The following FARS2 variants were observed in gnomAD, a reference collection of about 807,000 sequenced individuals.
FARS2 encodes phenylalanyl-tRNA synthetase 2, mitochondrial, also known as phenylalanine--tRNA ligase, mitochondrial.
FARS2 carries 40 observed loss-of-function variants against 46.4 expected under a neutral mutation model. The ratio of observed to expected loss-of-function variants is 0.86; its 90% confidence interval spans 0.67 to 1.12. The LOEUF (loss-of-function observed/expected upper bound fraction) is 1.12, where lower values mean the gene tolerates loss of function less well. FARS2 is among the 50% of genes most tolerant of loss of function. The probability of loss-of-function intolerance (pLI) is 0.00; values close to 1 mark genes in which losing one functional copy is unlikely to be tolerated. For synonymous variants in FARS2, 234 were observed against 214.9 expected, an observed-to-expected ratio of 1.09 and a Z score of -0.78; for missense variants, 513 against 567.9, an observed-to-expected ratio of 0.90 and a Z score of 0.98.
chr6:5,502,272 G>T (rs1767848975), intron 4 of FARS2, among the ~76,000 whole-genome samples: 1 of 152,220 alleles, frequency 6.6e-6, no homozygotes, highest in Admixed American at 6.5e-5. Flanking sequence ...GTTGGAGAGA[G>T]GCTTAGCCAT....
intron 4 of FARS2, among the ~76,000 whole-genome samples, chr6:5,468,549 A>G (rs1288416877): frequency 6.6e-6 from 1 of 152,236 alleles, no homozygotes; most frequent in Non-Finnish European, 1.5e-5. Flanking sequence ...TTTAAAATAT[A>G]ATTCGACCAG....
At chr6:5,484,874 G>T (rs906671990) in intron 4 of FARS2, among the ~76,000 whole-genome samples, 2 of 152,198 alleles carry the variant, frequency 1.3e-5, no homozygotes, top group Non-Finnish European at 2.9e-5. Flanking sequence ...GGGCACAGCT[G>T]TTCACCTCTC....
intron 5 of FARS2, among the ~76,000 whole-genome samples, chr6:5,581,781 T>C (rs1773344115): frequency 6.6e-6 from 1 of 152,182 alleles, no homozygotes; most frequent in South Asian, 2.1e-4. Flanking sequence ...TTCTAAATGG[T>C]CACGGTAACA....
chr6:5,449,099 A>C (rs1047999647), intron 4 of FARS2, among the ~76,000 whole-genome samples: 3 of 152,174 alleles, frequency 2.0e-5, no homozygotes, highest in African/African-American at 7.2e-5. Context: ...CTGTAATCCT[A>C]GCATTTTGGG....
At chr6:5,724,793 C>A (rs2150926293) in intron 6 of FARS2, among the ~76,000 whole-genome samples, 1 of 152,354 alleles carries the variant, frequency 6.6e-6, no homozygotes, top group East Asian at 1.9e-4. Flanking sequence ...GAGCCATAAT[C>A]TGCCCCATAA....
intron 6 of FARS2, among the ~76,000 whole-genome samples, chr6:5,713,962 G>A (rs532876621): frequency 6.6e-6 from 1 of 152,300 alleles, no homozygotes; most frequent in East Asian, 1.9e-4. Flanking sequence ...GATACATATA[G>A]TACAACAAAA....
chr6:5,679,365 C>T (rs1230932964), intron 6 of FARS2, among the ~76,000 whole-genome samples: 1 of 152,044 alleles, frequency 6.6e-6, no homozygotes, highest in Non-Finnish European at 1.5e-5. Context: ...TCCTTCTACC[C>T]TTCCCTCTAA....
rs796259065 is a variant in FARS2 at position 5,709,730 on chromosome 6, TTG to T, written c.1218-61546_1218-61545del. On this transcript the variant is annotated intron_variant, in intron 6 of 6. Transcript: ENST00000274680. ...CACGTGCATGTTGGGGGGGGTGGGGTTGTGTGTGTGTGTGTGCGCGCGCGCGT... is the reference window on the plus strand; with the variant it reads ...CACGTGCATGTTGGGGGGGGTGGGGTTGTGTGTGTGTGTGCGCGCGCGCGT... 1.6e-4 allele frequency among the ~76,000 whole-genome samples: 15 copies of T among 96,730 alleles called. No homozygotes were observed. The East Asian group carries it at 2.5e-3, about 16-fold the overall frequency. The allele number at this position is 96,730 out of a possible 152,430, so 63.5% of individuals were successfully genotyped here.
chr6:5,432,404 G>A (rs12174529), intron 4 of FARS2, among the ~76,000 whole-genome samples: 11 of 106,772 alleles, frequency 1.0e-4, no homozygotes, highest in Admixed American at 1.2e-4. Flanking sequence ...TATATATTAT[G>A]TATTATATAT....
chr6:5,305,653 T>C (rs1483128532), intron 1 of FARS2, among the ~76,000 whole-genome samples: 1 of 152,178 alleles, frequency 6.6e-6, no homozygotes, highest in African/African-American at 2.4e-5. Flanking sequence ...AGATGGTGGG[T>C]GACTGGGGAC....
intron 6 of FARS2, among the ~76,000 whole-genome samples, chr6:5,710,279 T>C (rs1300193615): frequency 6.6e-6 from 1 of 152,222 alleles, no homozygotes; most frequent in Non-Finnish European, 1.5e-5. Flanking sequence ...AGATTCACTG[T>C]GGGTCACTGA....
intron 6 of FARS2, among the ~76,000 whole-genome samples, chr6:5,704,651 G>A (rs531997896): frequency 1.6e-4 from 24 of 152,148 alleles, no homozygotes; most frequent in African/African-American, 4.6e-4. Flanking sequence ...AAAATAATGC[G>A]TAAATCCTAG....
chr6:5,410,876 C>T (rs1690319632), intron 3 of FARS2, among the ~76,000 whole-genome samples: 1 of 152,062 alleles, frequency 6.6e-6, no homozygotes, highest in South Asian at 2.1e-4. Context: ...TTTAAACCAT[C>T]TCTATGATAT....
chr6:5,515,065 C>A (rs148812453), intron 4 of FARS2, among the ~76,000 whole-genome samples: 1 of 152,144 alleles, frequency 6.6e-6, no homozygotes, highest in East Asian at 1.9e-4. Context: ...GACAAGCCTT[C>A]AAGCGAAACT....
At chr6:5,344,750 C>G (rs1025540604) in intron 1 of FARS2, among the ~76,000 whole-genome samples, 2 of 151,530 alleles carry the variant, frequency 1.3e-5, no homozygotes, top group Non-Finnish European at 2.9e-5. Context: ...CGCTTCTTCA[C>G]TATGTAACCA....
intron 6 of FARS2, among the ~76,000 whole-genome samples, chr6:5,708,812 C>T (rs527938277): frequency 2.0e-5 from 3 of 152,160 alleles, no homozygotes; most frequent in Non-Finnish European, 4.4e-5. Context: ...AGGCATACAC[C>T]ACCACACCCA....
At chr6:5,432,271 G>A (rs1431026274) in intron 4 of FARS2, among the ~76,000 whole-genome samples, 1 of 137,242 alleles carries the variant, frequency 7.3e-6, no homozygotes, top group Non-Finnish European at 1.5e-5. Context: ...AGCCGAGATC[G>A]CTATACTGCA....
chr6:5,341,212 T>TAG (rs1771566742), intron 1 of FARS2, among the ~76,000 whole-genome samples: 4 of 6,488 alleles, frequency 6.2e-4, no homozygotes, highest in Non-Finnish European at 1.5e-3. Context: ...TATATATATA[T>TAG]ATATATATAT....
Position 5,693,951 on chromosome 6 carries a change from C to T in FARS2, c.1218-77340C>T, listed in dbSNP as rs62408070. On this transcript the variant is annotated intron_variant, in intron 6 of 6. Transcript: ENST00000274680. ...AGAAGTCACATAGCATCATTTCCAC[C>T]GCCCTCTACTAGCGGGAGCAGTCAT... Among the ~76,000 whole-genome samples the T allele has an allele frequency of 2.6e-3, 403 of 152,308 alleles. 1 individual carries two copies. The highest frequency in any genetic ancestry group is 6.8e-3 in the Middle Eastern group (2 of 294).
Sources: gnomAD v4.1 joint callset for allele counts (sites outside exome capture counted in the v4.1 genomes callset) on GRCh38, gnomAD v4.1.1 for gene constraint, MANE v1.5 for transcripts, NCBI Gene and HGNC (gene_info 2026-07-23, HGNC 2026-07-21) for gene names.